ZNF521: variants seen among roughly 807,000 people sequenced by gnomAD.
The protein encoded by ZNF521 is zinc finger protein 521.
A neutral mutation model predicts 105.5 loss-of-function variants in ZNF521; 14 were observed. That is an observed-to-expected ratio of 0.13 (90% CI 0.09 to 0.21). ZNF521 has a LOEUF of 0.21. ZNF521 is among the 10% of genes least tolerant of loss of function. The probability of loss-of-function intolerance (pLI) is 1.00; values close to 1 mark genes in which losing one functional copy is unlikely to be tolerated. For missense variants in ZNF521, 1,233 were observed against 1,629.7 expected, an observed-to-expected ratio of 0.76 and a Z score of 4.19; for synonymous variants, 635 against 606.0, an observed-to-expected ratio of 1.05 and a Z score of -0.70.
At chr18:25,153,734 C>T (rs2035090200) in intron 5 of ZNF521, among the ~76,000 whole-genome samples, 1 of 152,200 alleles carries the variant, frequency 6.6e-6, no homozygotes, top group South Asian at 2.1e-4. Context: ...GATGGATCGT[C>T]TAACACTTCA....
intron 5 of ZNF521, among the ~76,000 whole-genome samples, chr18:25,176,324 A>G (rs1446790510): frequency 6.6e-6 from 1 of 152,210 alleles, no homozygotes; most frequent in East Asian, 1.9e-4. Context: ...CCCGTCTGCT[A>G]AAGAGCGCTC....
chr18:25,278,787 G>T (rs193273008), intron 3 of ZNF521, among the ~76,000 whole-genome samples: 1 of 152,058 alleles, frequency 6.6e-6, no homozygotes, highest in Non-Finnish European at 1.5e-5. Flanking sequence ...AATAATAAAT[G>T]ACTATAACCA....
intron 3 of ZNF521, among the ~76,000 whole-genome samples, chr18:25,231,926 A>T (rs902022617): frequency 1.3e-5 from 2 of 152,144 alleles, no homozygotes; most frequent in African/African-American, 4.8e-5. Flanking sequence ...ACTTCTGATA[A>T]TGTTCTTCAT....
rs2032928523 is a variant in ZNF521 at position 25,062,660 on chromosome 18, T to C, written c.*52A>G. ...AAAGTTTCGTGCAAAGAGTAAAACATGTTCCCTTTTTGTGCCACAAAATCA... is the reference window on the plus strand; with the variant it reads ...AAAGTTTCGTGCAAAGAGTAAAACACGTTCCCTTTTTGTGCCACAAAATCA... On this transcript the variant is annotated 3_prime_UTR_variant, in exon 8 of 8. Transcript: ENST00000361524. The C allele has an allele frequency of 5.8e-6, 9 of 1,543,858 alleles. No individual in the cohort carries two copies. Among genetic ancestry groups the C allele is most frequent in the Non-Finnish European group, 7.8e-6 (9 of 1,150,686 alleles).
chr18:25,081,324 A>G (rs1325984345), intron 7 of ZNF521, among the ~76,000 whole-genome samples: 2 of 152,242 alleles, frequency 1.3e-5, no homozygotes, highest in Non-Finnish European at 2.9e-5. Context: ...CCTAGAATGA[A>G]GAGGTGGTGC....
At chr18:25,247,965 C>T (rs1568033808) in intron 3 of ZNF521, among the ~76,000 whole-genome samples, 1 of 151,162 alleles carries the variant, frequency 6.6e-6, no homozygotes, top group East Asian at 1.9e-4. Flanking sequence ...ATGTCTCTTC[C>T]TCCCAAATTC....
intron 7 of ZNF521, among the ~76,000 whole-genome samples, chr18:25,072,871 AT>A (rs959201168): frequency 6.6e-6 from 1 of 152,116 alleles, no homozygotes; most frequent in African/African-American, 2.4e-5. Flanking sequence ...CTAAGCTTTA[AT>A]TTTTTCCCCT....
intron 3 of ZNF521, among the ~76,000 whole-genome samples, chr18:25,315,049 C>G (rs534741886): frequency 6.6e-6 from 1 of 152,302 alleles, no homozygotes; most frequent in Non-Finnish European, 1.5e-5. Context: ...GCCCTCCCCA[C>G]CCCCTGAGGG....
At chr18:25,322,273 AAC>A (rs1171268095) in intron 2 of ZNF521, 86 bp from the exon 3 acceptor site, 2 of 1,370,642 alleles carry the variant, frequency 1.5e-6, no homozygotes, top group Admixed American at 1.7e-5. Context: ...CAAAAACAGA[AAC>A]ACCATTTTCC....
intron 1 of ZNF521, chr18:25,351,530 G>C (rs1914773720): frequency 6.6e-6 from 1 of 152,282 alleles, no homozygotes; most frequent in South Asian, 2.1e-4. Context: ...TTGTAGTTGG[G>C]GGGACGAGGG....
intron 4 of ZNF521, among the ~76,000 whole-genome samples, chr18:25,222,987 T>C (rs1207743180): frequency 6.6e-6 from 1 of 152,220 alleles, no homozygotes; most frequent in African/African-American, 2.4e-5. Flanking sequence ...CTGGAGGACC[T>C]GGGGATACCC....
intron 7 of ZNF521, among the ~76,000 whole-genome samples, chr18:25,083,315 A>C (rs2033544373): frequency 6.6e-6 from 1 of 152,240 alleles, no homozygotes; most frequent in African/African-American, 2.4e-5. Flanking sequence ...CCATGTCCAG[A>C]TATGACTCAT....
At chr18:25,155,109 T>A (rs141692893) in intron 5 of ZNF521, among the ~76,000 whole-genome samples, 1 of 152,246 alleles carries the variant, frequency 6.6e-6, no homozygotes, top group Non-Finnish European at 1.5e-5. Flanking sequence ...TATCTCATAG[T>A]GGTTTTGATT....
chr18:25,154,482 C>A (rs1345178644), intron 5 of ZNF521, among the ~76,000 whole-genome samples: 4 of 152,074 alleles, frequency 2.6e-5, no homozygotes, highest in Non-Finnish European at 4.4e-5. Context: ...GGAAAAGAGG[C>A]AAAATAGGCA....
At chr18:25,240,692 A>G (rs370554072) in intron 3 of ZNF521, among the ~76,000 whole-genome samples, 7 of 152,204 alleles carry the variant, frequency 4.6e-5, no homozygotes, top group Middle Eastern at 3.4e-3. Context: ...TCGTCCAAAG[A>G]GCCTTTAAAA....
intron 3 of ZNF521, among the ~76,000 whole-genome samples, chr18:25,283,114 C>A (rs2144995678): frequency 6.6e-6 from 1 of 152,298 alleles, no homozygotes; most frequent in South Asian, 2.1e-4. Flanking sequence ...AAAGTACAAC[C>A]AAAATCTCAC....
intron 5 of ZNF521, among the ~76,000 whole-genome samples, chr18:25,140,908 G>A (rs541547851): frequency 6.6e-6 from 1 of 152,202 alleles, no homozygotes; most frequent in South Asian, 2.1e-4. Flanking sequence ...TGCTTTCAAT[G>A]GACTCAATTA....
chr18:25,292,961 A>G (rs969402903), intron 3 of ZNF521, among the ~76,000 whole-genome samples: 8 of 152,166 alleles, frequency 5.3e-5, no homozygotes, highest in Non-Finnish European at 1.0e-4. Flanking sequence ...AGGAAGCCCC[A>G]GAGATCCCCA....
At chr18:25,089,971 T>C (rs540893040) in intron 6 of ZNF521, among the ~76,000 whole-genome samples, 4 of 152,314 alleles carry the variant, frequency 2.6e-5, no homozygotes, top group Non-Finnish European at 5.9e-5. Context: ...CCTAAAGTTA[T>C]AGCTAGCAAA....
Sources: allele counts gnomAD v4.1 joint callset (sites outside exome capture counted in the v4.1 genomes callset), GRCh38; gene constraint gnomAD v4.1.1; transcripts MANE v1.5; gene names NCBI Gene and HGNC (gene_info 2026-07-23, HGNC 2026-07-21).